TBC1D22A: variants seen among roughly 807,000 people sequenced by gnomAD.
TBC1D22A encodes the protein putative GTPase activator.
In TBC1D22A, 38 loss-of-function variants were observed where a neutral mutation model predicts 60.2. The observed-to-expected ratio is 0.63, with a 90% CI of 0.49 to 0.83. The LOEUF (loss-of-function observed/expected upper bound fraction) is 0.83, where lower values mean the gene tolerates loss of function less well. TBC1D22A is among the 40% of genes least tolerant of loss of function. The pLI is 0.00. For missense variants in TBC1D22A, 628 were observed against 701.0 expected (o/e 0.90, Z 1.18); for synonymous variants, 302 against 281.7 (o/e 1.07, Z -0.72).
intron 12 of TBC1D22A, among the ~76,000 whole-genome samples, chr22:47,148,354 G>A (rs1471359816): frequency 4.7e-5 from 7 of 150,034 alleles, no homozygotes; most frequent in African/African-American, 1.7e-4. Flanking sequence ...AAAAAAAACA[G>A]AAGCAGAGAA....
chr22:46,827,272 C>T (rs932025245), intron 4 of TBC1D22A, among the ~76,000 whole-genome samples: 1 of 152,220 alleles, frequency 6.6e-6, no homozygotes, highest in Admixed American at 6.5e-5. Context: ...GGTGTTGTGA[C>T]CTCACGTGGG....
At chr22:47,079,021 G>A (rs1159081275) in intron 11 of TBC1D22A, among the ~76,000 whole-genome samples, 1 of 151,936 alleles carries the variant, frequency 6.6e-6, no homozygotes, top group Admixed American at 6.6e-5. Context: ...GAACAAGAGA[G>A]CGCTACTTTA....
intron 11 of TBC1D22A, among the ~76,000 whole-genome samples, chr22:47,053,438 G>A (rs891785433): frequency 6.6e-6 from 1 of 152,208 alleles, no homozygotes; most frequent in Non-Finnish European, 1.5e-5. Context: ...CAAGCAGGGT[G>A]GCCTGTCCCA....
At chr22:46,892,253 G>A (rs1244294464) in intron 6 of TBC1D22A, among the ~76,000 whole-genome samples, 1 of 150,588 alleles carries the variant, frequency 6.6e-6, no homozygotes, top group Non-Finnish European at 1.5e-5. Context: ...TTCTCTTTCA[G>A]TTGTGGGATA....
intron 4 of TBC1D22A, among the ~76,000 whole-genome samples, chr22:46,813,871 C>T (rs906869592): frequency 1.3e-5 from 2 of 152,238 alleles, no homozygotes; most frequent in Non-Finnish European, 2.9e-5. Context: ...ACCTGACGGA[C>T]AAGAAATCAG....
chr22:47,076,221 G>A (rs143790797), intron 11 of TBC1D22A, among the ~76,000 whole-genome samples: 57 of 151,854 alleles, frequency 3.8e-4, no homozygotes, highest in African/African-American at 1.3e-3. Flanking sequence ...AGTCTGCACC[G>A]GAAAACAGAG....
intron 12 of TBC1D22A, among the ~76,000 whole-genome samples, chr22:47,172,288 G>A (rs555922839): frequency 5.7e-4 from 87 of 152,326 alleles, no homozygotes; most frequent in Non-Finnish European, 8.8e-4. Context: ...ACTGCTGGCC[G>A]TATGTGTGTT....
intron 4 of TBC1D22A, among the ~76,000 whole-genome samples, chr22:46,854,156 T>C (rs188950794): frequency 1.3e-5 from 2 of 152,344 alleles, no homozygotes; most frequent in East Asian, 1.9e-4. Flanking sequence ...TGTCCGTGTC[T>C]TCCGGAGGTG....
intron 4 of TBC1D22A, among the ~76,000 whole-genome samples, chr22:46,835,116 C>A (rs1228857906): frequency 6.6e-6 from 1 of 152,182 alleles, no homozygotes; most frequent in Non-Finnish European, 1.5e-5. Flanking sequence ...AATTCCTAGT[C>A]AGGCTGATTG....
intron 12 of TBC1D22A, among the ~76,000 whole-genome samples, chr22:47,135,248 A>G (rs2066822109): frequency 6.6e-6 from 1 of 152,080 alleles, no homozygotes; most frequent in South Asian, 2.1e-4. Flanking sequence ...CCGTCATCCC[A>G]GTTAATCCCA....
chr22:47,059,171 C>G (rs2063489614), intron 11 of TBC1D22A, among the ~76,000 whole-genome samples: 1 of 152,256 alleles, frequency 6.6e-6, no homozygotes, highest in Non-Finnish European at 1.5e-5. Flanking sequence ...TGGTAAGTAG[C>G]AAAGCGCTGG....
At chr22:47,042,130 G>C (rs2062866097) in intron 11 of TBC1D22A, among the ~76,000 whole-genome samples, 1 of 152,220 alleles carries the variant, frequency 6.6e-6, no homozygotes. Context: ...ACCTTGCCCA[G>C]GGCCACTTCC....
rs11450774 is a variant in TBC1D22A at position 46,789,129 on chromosome 22, C to CTT, written c.63-3376_63-3375dup. 9.2e-3 allele frequency: 1,250 copies of CTT among 136,112 alleles called. 30 individuals carry two copies. The highest frequency in any genetic ancestry group is 0.042 in the South Asian group (224 of 5,368). The allele number at this position is 136,112 out of a possible 1,614,324, so 8.4% of individuals were successfully genotyped here. A position where few individuals can be genotyped will look rare whatever the true frequency, so the allele number is the denominator to read the frequency against. ...TTTCTTAAGGAATCTTCCTTCTTTT[C>CTT]TTTTTTTTTTTTTTTTGAGACAGAG... On this transcript the variant is annotated intron_variant, in intron 1 of 12. Coordinates refer to ENST00000337137, the MANE Select transcript of TBC1D22A (RefSeq NM_014346.5).
intron 4 of TBC1D22A, among the ~76,000 whole-genome samples, chr22:46,877,815 T>C (rs1008969135): frequency 1.3e-5 from 2 of 152,204 alleles, no homozygotes; most frequent in Non-Finnish European, 2.9e-5. Context: ...ATTGGACAAG[T>C]GTTGCTATAC....
At chr22:46,911,423 C>T (rs1171715070) in intron 7 of TBC1D22A, among the ~76,000 whole-genome samples, 1 of 152,172 alleles carries the variant, frequency 6.6e-6, no homozygotes, top group Non-Finnish European at 1.5e-5. Context: ...CATCTGCTCG[C>T]CTGCTCACTC....
chr22:46,840,254 A>G (rs1353082228), intron 4 of TBC1D22A, among the ~76,000 whole-genome samples: 1 of 152,242 alleles, frequency 6.6e-6, no homozygotes, highest in Non-Finnish European at 1.5e-5. Flanking sequence ...AACAGCAAAA[A>G]TGAAAACCAA....
chr22:47,063,820 A>G (rs994945104), intron 11 of TBC1D22A, among the ~76,000 whole-genome samples: 10 of 151,966 alleles, frequency 6.6e-5, no homozygotes, highest in African/African-American at 2.4e-4. Flanking sequence ...GGCATTCCTG[A>G]CTCATGGCAG....
chr22:47,099,570 C>T lies in TBC1D22A; in HGVS notation c.1330-11938C>T, dbSNP rs560608111. Among the ~76,000 whole-genome samples, 49 of 152,112 alleles carry T rather than the reference C, an allele frequency of 3.2e-4. No individual in the cohort carries two copies. In the South Asian group the frequency reaches 8.5e-3, roughly 26 times the overall value. On this transcript the variant is annotated intron_variant, in intron 11 of 12. Coordinates refer to ENST00000337137, the MANE Select transcript of TBC1D22A (RefSeq NM_014346.5). Reference sequence around the variant, plus strand: ...AAGCAATTCTCCTGCCTCAGCCTCCCGAGTAGCTGGGACTACAGGCATGTG... The same window carrying T: ...AAGCAATTCTCCTGCCTCAGCCTCCTGAGTAGCTGGGACTACAGGCATGTG...
intron 9 of TBC1D22A, among the ~76,000 whole-genome samples, chr22:46,976,298 G>A (rs6009079): frequency 0.098 from 14,893 of 152,106 alleles, 2,418 homozygotes; most frequent in African/African-American, 0.34. Flanking sequence ...CTTTCCTGGC[G>A]CGTGTGTTTA....
Sources: gnomAD v4.1 joint callset for allele counts (sites outside exome capture counted in the v4.1 genomes callset) on GRCh38, gnomAD v4.1.1 for gene constraint, MANE v1.5 for transcripts, NCBI Gene and HGNC (gene_info 2026-07-23, HGNC 2026-07-21) for gene names.